Variants in KAZN observed in about 807,000 individuals in gnomAD.
The protein encoded by KAZN is kazrin, periplakin interacting protein.
KAZN carries 40 observed loss-of-function variants against 87.4 expected under a neutral mutation model. The observed-to-expected ratio is 0.46, with a 90% CI of 0.36 to 0.60. KAZN has a LOEUF of 0.60. Ranked by LOEUF, KAZN falls within the 20% of genes least tolerant of loss-of-function variation. The pLI is 0.00. For synonymous variants in KAZN, 466 were observed against 458.3 expected (o/e 1.02, Z -0.22); for missense variants, 898 against 1,073.9 (o/e 0.84, Z 2.29).
intron 2 of KAZN, among the ~76,000 whole-genome samples, chr1:14,271,378 A>G (rs1416360933): frequency 6.6e-6 from 1 of 152,252 alleles, no homozygotes; most frequent in Non-Finnish European, 1.5e-5. Context: ...GAGGCTGTGA[A>G]GAAGTCTCTT....
intron 2 of KAZN, among the ~76,000 whole-genome samples, chr1:15,008,963 C>A (rs905713458): frequency 6.6e-6 from 1 of 152,246 alleles, no homozygotes; most frequent in African/African-American, 2.4e-5. Context: ...AAATTCTTCA[C>A]TTTGGTTTCC....
At chr1:14,276,155 A>G (rs554758859) in intron 2 of KAZN, among the ~76,000 whole-genome samples, 3,092 of 129,274 alleles carry the variant, frequency 0.024, 70 homozygotes, top group Non-Finnish European at 0.032. Context: ...AGTGTTCGCT[A>G]TAAGGGTGTG....
intron 1 of KAZN, among the ~76,000 whole-genome samples, chr1:14,940,599 G>A (rs770400238): frequency 5.9e-5 from 9 of 152,182 alleles, no homozygotes; most frequent in Admixed American, 2.0e-4. Flanking sequence ...TAGAGCTCTC[G>A]TCCCCTACTG....
At chr1:14,526,404 A>C (rs1039146859) in intron 2 of KAZN, among the ~76,000 whole-genome samples, 2 of 152,164 alleles carry the variant, frequency 1.3e-5, no homozygotes, top group African/African-American at 4.8e-5. Context: ...TCAAGGTGAC[A>C]TGCGTAGACC....
At chr1:14,219,691 A>G (rs1647050077) in intron 2 of KAZN, among the ~76,000 whole-genome samples, 1 of 152,204 alleles carries the variant, frequency 6.6e-6, no homozygotes, top group Admixed American at 6.5e-5. Context: ...ACAAAGTATT[A>G]TGATAGTATA....
At chr1:14,740,908 T>C (rs1473207911) in intron 1 of KAZN, among the ~76,000 whole-genome samples, 1 of 152,212 alleles carries the variant, frequency 6.6e-6, no homozygotes, top group Non-Finnish European at 1.5e-5. Flanking sequence ...TCCTGGGGAA[T>C]GACAGACACT....
intron 2 of KAZN, among the ~76,000 whole-genome samples, chr1:14,277,282 T>A (rs1652441272): frequency 6.6e-6 from 1 of 152,246 alleles, no homozygotes; most frequent in African/African-American, 2.4e-5. Flanking sequence ...TATATCTGTA[T>A]GTATCTCTAA....
At chr1:14,427,212 G>A (rs1052543974) in intron 2 of KAZN, among the ~76,000 whole-genome samples, 15 of 152,172 alleles carry the variant, frequency 9.9e-5, no homozygotes, top group African/African-American at 3.4e-4. Context: ...CCTCAAGGCT[G>A]GGGTTCATGG....
intron 1 of KAZN, among the ~76,000 whole-genome samples, chr1:14,140,326 A>G (rs1429829467): frequency 6.6e-6 from 1 of 152,150 alleles, no homozygotes; most frequent in Non-Finnish European, 1.5e-5. Flanking sequence ...GGATTAAATG[A>G]GATAATATAT....
At chr1:15,086,355 G>A (rs1322149185) in intron 8 of KAZN, among the ~76,000 whole-genome samples, 1 of 152,178 alleles carries the variant, frequency 6.6e-6, no homozygotes, top group African/African-American at 2.4e-5. Context: ...GAAGACCCAC[G>A]ATCATGAAAC....
At chr1:13,922,723 A>G (rs1475806243) in intron 1 of KAZN, among the ~76,000 whole-genome samples, 2 of 152,160 alleles carry the variant, frequency 1.3e-5, no homozygotes, top group Admixed American at 6.5e-5. Context: ...CTTGGGACCA[A>G]TCAGGGCAGC....
intron 2 of KAZN, among the ~76,000 whole-genome samples, chr1:14,397,918 C>T (rs1438975532): frequency 6.7e-6 from 1 of 150,138 alleles, no homozygotes; most frequent in Admixed American, 6.6e-5. Context: ...TGAGATAAGG[C>T]TTCACGAGTC....
intron 1 of KAZN, among the ~76,000 whole-genome samples, chr1:14,798,722 C>CTG (rs1645911075): frequency 6.6e-6 from 1 of 152,060 alleles, no homozygotes; most frequent in Admixed American, 6.6e-5. Context: ...GCGTGAGCCA[C>CTG]CACGCCCGGC....
intron 1 of KAZN, among the ~76,000 whole-genome samples, chr1:13,922,845 G>A (rs1193413269): frequency 2.0e-5 from 3 of 152,124 alleles, no homozygotes. Flanking sequence ...CTTACTTTTG[G>A]TTGTATTTTG....
chr1:14,616,599 A>T (rs1456554899), intron 1 of KAZN, among the ~76,000 whole-genome samples: 1 of 152,178 alleles, frequency 6.6e-6, no homozygotes, highest in Non-Finnish European at 1.5e-5. Context: ...GCGTCAGCGA[A>T]GGCTCATTCC....
At position 14,863,565 on chromosome 1, in the gene KAZN, G is replaced by C. The variant is rs145439940; in HGVS notation, c.227-97119G>C. ...AACACTTCTATTGAACACTAGATTT[G>C]GGGGATCAGAGAGGAATTGGATTCA... is the stretch of plus-strand genomic sequence containing the variant. On this transcript the variant is annotated intron_variant, in intron 1 of 14. Coordinates refer to ENST00000376030, the MANE Select transcript of KAZN (RefSeq NM_201628.3). Among the ~76,000 whole-genome samples, 390 of 152,260 alleles carry C rather than the reference G, an allele frequency of 2.6e-3. 2 individuals are homozygous for C. Among genetic ancestry groups the C allele is most frequent in the African/African-American group, 9.0e-3 (372 of 41,546 alleles).
At chr1:14,650,700 T>C (rs1464048880) in intron 1 of KAZN, among the ~76,000 whole-genome samples, 1 of 152,262 alleles carries the variant, frequency 6.6e-6, no homozygotes, top group Non-Finnish European at 1.5e-5. Context: ...AATATTGCTT[T>C]ACATAAATCT....
At chr1:14,793,032 G>A (rs1645725528) in intron 1 of KAZN, among the ~76,000 whole-genome samples, 1 of 151,774 alleles carries the variant, frequency 6.6e-6, no homozygotes, top group Non-Finnish European at 1.5e-5. Context: ...TGGGAAAGCA[G>A]CCGGAGGAGA....
chr1:14,224,354 T>G (rs916092794), intron 2 of KAZN, among the ~76,000 whole-genome samples: 1 of 152,166 alleles, frequency 6.6e-6, no homozygotes, highest in Non-Finnish European at 1.5e-5. Flanking sequence ...CTTTGGATTT[T>G]AAAGGTTGTA....
Sources: gnomAD v4.1 joint callset for allele counts (sites outside exome capture counted in the v4.1 genomes callset) on GRCh38, gnomAD v4.1.1 for gene constraint, MANE v1.5 for transcripts, NCBI Gene and HGNC (gene_info 2026-07-23, HGNC 2026-07-21) for gene names.